The following PHLPP1 variants were observed in gnomAD, a reference collection of about 807,000 sequenced individuals.
PHLPP1 encodes PH domain and leucine rich repeat protein phosphatase 1.
Under a neutral mutation model 117.2 loss-of-function variants are expected in PHLPP1, and 42 were observed. That is an observed-to-expected ratio of 0.36 (90% confidence interval 0.28 to 0.46). PHLPP1 has a LOEUF of 0.46. Ranked by LOEUF, PHLPP1 falls within the 20% of genes least tolerant of loss-of-function variation. The pLI, the probability that PHLPP1 is intolerant of heterozygous loss-of-function variation, is 1.00. For synonymous variants in PHLPP1, 1,042 were observed against 970.7 expected (o/e 1.07, Z -1.37); for missense variants, 2,084 against 2,241.9 (o/e 0.93, Z 1.42).
chr18:62,717,957 C>A (rs982705485), intron 1 of PHLPP1, among the ~76,000 whole-genome samples: 3 of 152,084 alleles, frequency 2.0e-5, no homozygotes, highest in Non-Finnish European at 4.4e-5. Flanking sequence ...CAGAACTGAC[C>A]ACCGCAATAC....
chr18:62,979,130 T>A lies in PHLPP1; in HGVS notation c.4853T>A (p.Ile1618Asn). The change falls in exon 17 of 17, where the codon ATT (isoleucine) becomes AAT (asparagine). Residue 1618 changes from isoleucine to asparagine, a missense_variant. Ile to Asn is a moderately radical substitution (Grantham distance 149). This residue lies in a region of PHLPP1 where 1,365 missense variants were observed against 1,605.9 expected (regional missense o/e 0.85). Coordinates refer to ENST00000262719, the MANE Select transcript of PHLPP1 (RefSeq NM_194449.4). ...RKADFSAVGTIGRRRANGSVA... is the reference protein window; with the variant it reads ...RKADFSAVGTNGRRRANGSVA... ...GCAGACTTCTCTGCCGTTGGGACCATTGGGCGCCGGAGGGCCAATGGCTCT... is the reference window on the plus strand; with the variant it reads ...GCAGACTTCTCTGCCGTTGGGACCAATGGGCGCCGGAGGGCCAATGGCTCT... The A allele has an allele frequency of 6.2e-7, 1 of 1,613,898 alleles. No homozygotes were observed.
Position 62,895,766 on chromosome 18 carries a change from T to C in PHLPP1, c.2214-15T>C, listed in dbSNP as rs767935366. The C allele has an allele frequency of 3.5e-6, 5 of 1,438,824 alleles. No homozygotes were observed. The highest frequency in any genetic ancestry group is 3.9e-6 in the Non-Finnish European group (4 of 1,022,212). The allele number at this position is 1,438,824 out of a possible 1,614,324, so 89.1% of individuals were successfully genotyped here. ...TTATATGTTCTCTTTGTAATTCTTA[T>C]GTTTTCTCTAATAGCTTACAGACAT... is the stretch of plus-strand genomic sequence containing the variant. On this transcript the variant is annotated splice_polypyrimidine_tract_variant and intron_variant, in intron 5 of 16. Coordinates refer to ENST00000262719, the MANE Select transcript of PHLPP1 (RefSeq NM_194449.4).
intron 1 of PHLPP1, among the ~76,000 whole-genome samples, chr18:62,808,953 C>CT (rs1215216457): frequency 1.3e-5 from 2 of 152,098 alleles, no homozygotes; most frequent in Non-Finnish European, 2.9e-5. Context: ...TTTTACTAGA[C>CT]TTTAAGTTTT....
Position 62,773,214 on chromosome 18 carries a change from C to G in PHLPP1, c.1576+55955C>G, listed in dbSNP as rs115388981. 5.5e-3 allele frequency among the ~76,000 whole-genome samples: 841 copies of G among 152,276 alleles called. 13 individuals carry two copies. Among genetic ancestry groups the G allele is most frequent in the African/African-American group, 0.019 (801 of 41,552 alleles). Reference sequence around the variant, plus strand: ...GATCTACTCTAAGATCCCCACCCCACTTAATTTTTTTCTTTTTAACATGTT... The same window carrying G: ...GATCTACTCTAAGATCCCCACCCCAGTTAATTTTTTTCTTTTTAACATGTT... On this transcript the variant is annotated intron_variant, in intron 1 of 16. Coordinates refer to ENST00000262719, the MANE Select transcript of PHLPP1 (RefSeq NM_194449.4).
chr18:62,781,494 A>G (rs558418684), intron 1 of PHLPP1, among the ~76,000 whole-genome samples: 7 of 152,108 alleles, frequency 4.6e-5, no homozygotes, highest in Non-Finnish European at 7.4e-5. Context: ...GCTCCACATC[A>G]GGCCTTTCCT....
intron 4 of PHLPP1, among the ~76,000 whole-genome samples, chr18:62,866,548 A>G (rs1915775487): frequency 6.6e-6 from 1 of 152,106 alleles, no homozygotes; most frequent in African/African-American, 2.4e-5. Context: ...CCTGGCCCAA[A>G]AGGTTAGTAT....
intron 4 of PHLPP1, among the ~76,000 whole-genome samples, chr18:62,876,658 C>T (rs1467770827): frequency 1.3e-5 from 2 of 152,268 alleles, no homozygotes; most frequent in Non-Finnish European, 2.9e-5. Flanking sequence ...GGAACCATTT[C>T]TTGTATTTAG....
At chr18:62,726,583 CTTTTTTTTTTTTT>C (rs869190741) in intron 1 of PHLPP1, among the ~76,000 whole-genome samples, 1 of 110,044 alleles carries the variant, frequency 9.1e-6, no homozygotes, top group Non-Finnish European at 1.9e-5. Context: ...CTGTTCTGTT[CTTTTTTTTTTTTT>C]TTTTTTTTAT....
chr18:62,814,845 G>A (rs1317746597), intron 1 of PHLPP1, among the ~76,000 whole-genome samples: 1 of 152,202 alleles, frequency 6.6e-6, no homozygotes, highest in Non-Finnish European at 1.5e-5. Context: ...TTAGGGAAGT[G>A]TAGGTTATTA....
At chr18:62,791,084 C>T (rs552248370) in intron 1 of PHLPP1, among the ~76,000 whole-genome samples, 12 of 152,070 alleles carry the variant, frequency 7.9e-5, no homozygotes, top group Non-Finnish European at 1.6e-4. Context: ...CTAAGAGGCT[C>T]TTTCCGACAG....
At chr18:62,976,444 A>C (rs1911189619) in intron 16 of PHLPP1, among the ~76,000 whole-genome samples, 3 of 152,222 alleles carry the variant, frequency 2.0e-5, no homozygotes, top group Admixed American at 2.0e-4. Context: ...GGAAGAGGCG[A>C]GGCACAGAAA....
In PHLPP1 at chr18:62,769,292, G is replaced by A. The variant is rs370531877; in HGVS notation, c.1576+52033G>A. On this transcript the variant is annotated intron_variant, in intron 1 of 16. Transcript: ENST00000262719. ...GAATCAGAAGTCCAGAGGTAGGAAT[G>A]TTCTTAAAGAGGATTTTATGTAATC... Among the ~76,000 whole-genome samples, 43 of 152,302 alleles carry A rather than the reference G, an allele frequency of 2.8e-4. 2 individuals carry two copies. The highest frequency in any genetic ancestry group is 2.3e-3 in the East Asian group (12 of 5,192).
At chr18:62,765,284 C>G (rs1014671977) in intron 1 of PHLPP1, among the ~76,000 whole-genome samples, 1 of 152,172 alleles carries the variant, frequency 6.6e-6, no homozygotes, top group African/African-American at 2.4e-5. Context: ...TTCTCTTTTT[C>G]TGTCTTCTCA....
At chr18:62,853,614 C>T (rs948638941) in intron 3 of PHLPP1, among the ~76,000 whole-genome samples, 1 of 152,158 alleles carries the variant, frequency 6.6e-6, no homozygotes, top group Non-Finnish European at 1.5e-5. Flanking sequence ...AGGTGATCTG[C>T]CCCCCTCGGC....
intron 1 of PHLPP1, chr18:62,825,367 A>C (rs1031758099): frequency 6.7e-6 from 1 of 148,240 alleles, no homozygotes; most frequent in Non-Finnish European, 1.5e-5. Context: ...TATATATATA[A>C]ATATATCAAC....
At chr18:62,783,529 A>T (rs1599045357) in intron 1 of PHLPP1, among the ~76,000 whole-genome samples, 1 of 152,214 alleles carries the variant, frequency 6.6e-6, no homozygotes, top group Admixed American at 6.5e-5. Context: ...CACCCAGCCC[A>T]CAAGCCTTTC....
chr18:62,803,030 C>T (rs986975161), intron 1 of PHLPP1, among the ~76,000 whole-genome samples: 10 of 152,026 alleles, frequency 6.6e-5, no homozygotes, highest in African/African-American at 2.4e-4. Flanking sequence ...AGCATACTGC[C>T]TAATGCTTTA....
intron 1 of PHLPP1, among the ~76,000 whole-genome samples, chr18:62,764,408 A>C (rs956306584): frequency 1.3e-5 from 2 of 152,088 alleles, no homozygotes; most frequent in Non-Finnish European, 2.9e-5. Flanking sequence ...CTTATGTCCT[A>C]TGGTTCTTGG....
chr18:62,923,147 CT>C (rs1909526584), intron 10 of PHLPP1, among the ~76,000 whole-genome samples: 1 of 152,144 alleles, frequency 6.6e-6, no homozygotes, highest in South Asian at 2.1e-4. Flanking sequence ...TACAAATAGA[CT>C]GACCTGTCTA....
Sources: allele counts gnomAD v4.1 joint callset (sites outside exome capture counted in the v4.1 genomes callset), GRCh38; gene constraint gnomAD v4.1.1; regional missense constraint gnomAD v4.1.1; transcripts MANE v1.5; gene names NCBI Gene and HGNC (gene_info 2026-07-23, HGNC 2026-07-21).